ZSCAN5A: variants seen among roughly 807,000 people sequenced by gnomAD.
ZSCAN5A encodes zinc finger and SCAN domain containing 5A.
ZSCAN5A carries 12 observed loss-of-function variants against 23.7 expected under a neutral mutation model. That is an observed-to-expected ratio of 0.51 (90% confidence interval 0.32 to 0.82). ZSCAN5A has a LOEUF of 0.82. ZSCAN5A is among the 40% of genes least tolerant of loss of function. The pLI, the probability that ZSCAN5A is intolerant of heterozygous loss-of-function variation, is 0.03. For synonymous variants in ZSCAN5A, 257 were observed against 239.9 expected (o/e 1.07, Z -0.66); for missense variants, 597 against 617.9 (o/e 0.97, Z 0.36).
Position 56,246,900 on chromosome 19 carries a change from C to G in ZSCAN5A, c.-127-21727G>C, listed in dbSNP as rs150628535. 3.7e-6 allele frequency: 6 copies of G among 1,608,038 alleles called. No homozygotes were observed. In the South Asian group the frequency reaches 5.5e-5, roughly 15 times the overall value. Reference sequence around the variant, plus strand: ...GATGTCCCAAAAGAAGCAAACCAGACGCCACCTCCATTTCCCAAGAAGGGC... The same window carrying G: ...GATGTCCCAAAAGAAGCAAACCAGAGGCCACCTCCATTTCCCAAGAAGGGC... On this transcript the variant is annotated intron_variant, in intron 2 of 5. Coordinates refer to ENST00000683990, the MANE Select transcript of ZSCAN5A (RefSeq NM_001322064.3).
At chr19:56,302,600 C>CCCCCCTTCCTTTTCTTCCTCACCCTT (rs1568726800) in intron 2 of ZSCAN5A, among the ~76,000 whole-genome samples, 1 of 70,862 alleles carries the variant, frequency 1.4e-5, no homozygotes, top group Non-Finnish European at 2.9e-5. Context: ...TCCTCTCCCT[C>CCCCCCTTCCTTTTCTTCCTCACCCTT]TTCTTCCTCT....
intron 2 of ZSCAN5A, chr19:56,321,156 A>G: frequency 1.5e-6 from 1 of 659,272 alleles, no homozygotes; most frequent in Non-Finnish European, 2.9e-6. Flanking sequence ...TCTCACCTCA[A>G]CATCACAGCT....
intron 2 of ZSCAN5A, among the ~76,000 whole-genome samples, chr19:56,273,233 G>C (rs2037985966): frequency 6.6e-6 from 1 of 152,064 alleles, no homozygotes; most frequent in East Asian, 1.9e-4. Context: ...CCAGTTCATG[G>C]GACTGTTGCA....
chr19:56,303,474 TTAAAG>T (rs2040480429), intron 2 of ZSCAN5A, among the ~76,000 whole-genome samples: 4 of 133,898 alleles, frequency 3.0e-5, no homozygotes, highest in African/African-American at 8.5e-5. Flanking sequence ...TCTCAAAAAA[TTAAAG>T]TAAATAGAAA....
intron 2 of ZSCAN5A, among the ~76,000 whole-genome samples, chr19:56,344,699 C>G: frequency 6.7e-6 from 1 of 149,818 alleles, no homozygotes; most frequent in South Asian, 2.1e-4. Context: ...GTCAGGAGAT[C>G]GAGACCATCC....
intron 1 of ZSCAN5A, chr19:56,367,983 C>A (rs142394245): frequency 2.0e-5 from 3 of 152,470 alleles, no homozygotes; most frequent in East Asian, 1.9e-4. Context: ...CCCTTCCCCC[C>A]CTCTTAAAGC....
Position 56,221,456 on chromosome 19 carries a change from C to A in ZSCAN5A, c.*119G>T, listed in dbSNP as rs1488154797. The A allele has an allele frequency of 1.6e-6, 2 of 1,288,292 alleles. No individual in the cohort carries two copies. Among genetic ancestry groups the A allele is most frequent in the Non-Finnish European group, 2.1e-6 (2 of 937,136 alleles). 79.8% of individuals were successfully genotyped at this position (1,288,292 alleles called of 1,614,324 possible). Reference sequence around the variant, plus strand: ...ACTCAAACATCCTGGCAATTCATATCTAGGGCACTCCCTCTGTGTGTCAGA... The same window carrying A: ...ACTCAAACATCCTGGCAATTCATATATAGGGCACTCCCTCTGTGTGTCAGA... On this transcript the variant is annotated 3_prime_UTR_variant, in exon 6 of 6. Transcript: ENST00000683990.
At chr19:56,284,202 C>G (rs1271132784) in intron 2 of ZSCAN5A, 2 of 984,858 alleles carry the variant, frequency 2.0e-6, no homozygotes, top group Non-Finnish European at 2.4e-6. Flanking sequence ...CATCAGGGAT[C>G]ATAGGTAAGT....
At chr19:56,237,222 C>A (rs953688057) in intron 2 of ZSCAN5A, among the ~76,000 whole-genome samples, 1 of 152,160 alleles carries the variant, frequency 6.6e-6, no homozygotes, top group Non-Finnish European at 1.5e-5. Flanking sequence ...GCGTTTCATT[C>A]AATTCTCTGT....
intron 2 of ZSCAN5A, among the ~76,000 whole-genome samples, chr19:56,294,770 T>C (rs1205124878): frequency 6.6e-6 from 1 of 152,208 alleles, no homozygotes; most frequent in Non-Finnish European, 1.5e-5. Flanking sequence ...AAATAAAATG[T>C]GTCTATTCAT....
chr19:56,283,287 T>A (rs1489956894), intron 2 of ZSCAN5A: 1 of 152,156 alleles, frequency 6.6e-6, no homozygotes, highest in Non-Finnish European at 1.5e-5. Flanking sequence ...TACTTCATAT[T>A]ACTATTTCTA....
intron 2 of ZSCAN5A, chr19:56,246,275 T>C (rs986215332): frequency 2.3e-5 from 7 of 300,362 alleles, no homozygotes; most frequent in Admixed American, 9.4e-5. Flanking sequence ...GACCCACCAG[T>C]TTAGACAGGG....
intron 2 of ZSCAN5A, among the ~76,000 whole-genome samples, chr19:56,279,174 A>C (rs2038489234): frequency 6.6e-6 from 1 of 152,126 alleles, no homozygotes; most frequent in African/African-American, 2.4e-5. Flanking sequence ...ATCAACCATC[A>C]CATCCCCTGA....
intron 2 of ZSCAN5A, among the ~76,000 whole-genome samples, chr19:56,360,186 G>A (rs570103545): frequency 6.6e-6 from 1 of 152,230 alleles, no homozygotes; most frequent in Non-Finnish European, 1.5e-5. Flanking sequence ...CATCAACTCA[G>A]CCCAAAAACT....
intron 2 of ZSCAN5A, among the ~76,000 whole-genome samples, chr19:56,355,702 C>T (rs966894441): frequency 6.7e-6 from 1 of 148,922 alleles, no homozygotes; most frequent in Non-Finnish European, 1.5e-5. Context: ...ATGTTTGAAG[C>T]GCAGTTTGTG....
At chr19:56,318,394 CT>C (rs1286856965), upstream of ZSCAN5A, among the ~76,000 whole-genome samples, 1 of 152,136 alleles carries the variant, frequency 6.6e-6, no homozygotes, top group Non-Finnish European at 1.5e-5. Flanking sequence ...ACACCAAGAC[CT>C]TTATAAAAAT....
At chr19:56,349,965 T>C (rs1339632347) in intron 2 of ZSCAN5A, among the ~76,000 whole-genome samples, 1 of 152,232 alleles carries the variant, frequency 6.6e-6, no homozygotes, top group Non-Finnish European at 1.5e-5. Context: ...TGTTATGTCT[T>C]GGCAAGTAAA....
At chr19:56,239,972 G>C (rs7251175) in intron 2 of ZSCAN5A, among the ~76,000 whole-genome samples, 1 of 151,848 alleles carries the variant, frequency 6.6e-6, no homozygotes, top group African/African-American at 2.4e-5. Flanking sequence ...GACCAGCCTG[G>C]CCAACATGGT....
intron 2 of ZSCAN5A, among the ~76,000 whole-genome samples, chr19:56,269,949 T>C (rs568509082): frequency 1.3e-5 from 2 of 152,192 alleles, no homozygotes; most frequent in Non-Finnish European, 2.9e-5. Context: ...TAATTTGTTA[T>C]GGTAGCAAGA....
Sources: gnomAD v4.1 joint callset for allele counts (sites outside exome capture counted in the v4.1 genomes callset) on GRCh38, gnomAD v4.1.1 for gene constraint, MANE v1.5 for transcripts, NCBI Gene and HGNC (gene_info 2026-07-23, HGNC 2026-07-21) for gene names.